Variants in KRT77 observed in about 807,000 individuals in gnomAD.
KRT77 encodes keratin 77, also known as keratin, type II cytoskeletal 1b.
Under a neutral mutation model 51.5 loss-of-function variants are expected in KRT77, and 44 were observed. The observed-to-expected ratio is 0.85, with a 90% CI of 0.67 to 1.10. The LOEUF (loss-of-function observed/expected upper bound fraction) is 1.10. Ranked by LOEUF, KRT77 falls within the 50% of genes least tolerant of loss-of-function variation. The pLI is 0.00. For synonymous variants in KRT77, 293 were observed against 302.0 expected, an observed-to-expected ratio of 0.97 and a Z score of 0.31; for missense variants, 763 against 743.9, an observed-to-expected ratio of 1.03 and a Z score of -0.30.
rs761134772 is a variant in KRT77, at chr12:52,697,717, C to T, written c.723G>A (p.Arg241=). The change falls in exon 2 of 9, where the codon AGG becomes AGA. Residue 241 remains arginine, a synonymous_variant. Coordinates refer to ENST00000341809, the MANE Select transcript of KRT77 (RefSeq NM_175078.3). The part of the protein sequence containing the change: ...AEQMRQNAEV[R]SMQDVVEDYK... Reference sequence around the variant, plus strand: ...AGTCCTCCACGACATCCTGCATGCTCCTGACCTCCGCGTTCTGGCGCATCT... The same window carrying T: ...AGTCCTCCACGACATCCTGCATGCTTCTGACCTCCGCGTTCTGGCGCATCT... The T allele has an allele frequency of 5.0e-6, 8 of 1,613,886 alleles. No homozygotes were observed. In the Admixed American group the frequency reaches 1.0e-4, roughly 20 times the overall value.
In KRT77 at chr12:52,703,187, C is replaced by T. The variant is rs1356658838; in HGVS notation, c.248G>A (p.Cys83Tyr). ...AAATCCCCCTACTCCCCCACCCTGG[C>T]AGAAACCACTGGTGCTCCTCCCCAT... Reference protein sequence around the residue: ...NLMGRSTSGFCQGGGVGGFGG... With the variant: ...NLMGRSTSGFYQGGGVGGFGG... Residue 83 changes from cysteine to tyrosine, a missense_variant, in exon 1 of 9, where the codon TGC becomes TAC. Coordinates refer to ENST00000341809, the MANE Select transcript of KRT77 (RefSeq NM_175078.3). 1 of 1,612,298 alleles carries T rather than the reference C, an allele frequency of 6.2e-7. No individual in the cohort carries two copies. Among genetic ancestry groups the T allele is most frequent in the African/African-American group, 1.3e-5 (1 of 74,584 alleles).
chr12:52,696,337 C>A (rs372653041), intron 3 of KRT77, 33 bp downstream of exon 3: 22 of 1,609,576 alleles, frequency 1.4e-5, no homozygotes, highest in Non-Finnish European at 1.8e-5. Context: ...CTCCTGGGTC[C>A]ACAGCCACCC....
At chr12:52,699,491 G>T (rs1464571476) in intron 1 of KRT77, among the ~76,000 whole-genome samples, 1 of 152,194 alleles carries the variant, frequency 6.6e-6, no homozygotes. Flanking sequence ...TTTTTCCCCA[G>T]GTTCCCCAAA....
chr12:52,692,007 C>T (rs945463439), intron 7 of KRT77, 35 bp from the exon 8 acceptor site: 1 of 1,612,424 alleles, frequency 6.2e-7, no homozygotes, highest in Non-Finnish European at 8.5e-7. Flanking sequence ...GCCAGACCCA[C>T]AGGGCCTGAG....
chr12:52,702,862 A>G, intron 1 of KRT77, 30 bp downstream of exon 1: 1 of 1,611,176 alleles, frequency 6.2e-7, no homozygotes. Flanking sequence ...GTCAGTGACC[A>G]ATGACCCTCC....
At chr12:52,699,442 G>A (rs1941851618) in intron 1 of KRT77, among the ~76,000 whole-genome samples, 1 of 152,236 alleles carries the variant, frequency 6.6e-6, no homozygotes, top group East Asian at 1.9e-4. Context: ...GATGCAGGGA[G>A]TGCCTTAACC....
At chr12:52,701,082 T>C (rs1392745657) in intron 1 of KRT77, among the ~76,000 whole-genome samples, 1 of 152,216 alleles carries the variant, frequency 6.6e-6, no homozygotes, top group African/African-American at 2.4e-5. Flanking sequence ...CACTGCCCTA[T>C]GCCATGCAAC....
At chr12:52,691,540 G>A in intron 8 of KRT77, 101 bp from the exon 9 acceptor site, 6 of 1,361,872 alleles carry the variant, frequency 4.4e-6, no homozygotes, top group East Asian at 2.3e-5. Context: ...TCGATCACCC[G>A]TGGCATCGAC....
At chr12:52,693,016 A>C in intron 5 of KRT77, 136 bp from the exon 6 acceptor site, 9 of 973,692 alleles carry the variant, frequency 9.2e-6, no homozygotes, top group Non-Finnish European at 1.4e-5. Context: ...ATGCATACTC[A>C]CAGCTATACC....
chr12:52,696,819 T>G (rs1941800058), intron 2 of KRT77: 1 of 186,340 alleles, frequency 5.4e-6, no homozygotes, highest in Admixed American at 5.5e-5. Flanking sequence ...TTAATCTACA[T>G]TTCTGTACCC....
chr12:52,701,030 G>C (rs114251661), intron 1 of KRT77, among the ~76,000 whole-genome samples: 1 of 152,162 alleles, frequency 6.6e-6, no homozygotes, highest in Non-Finnish European at 1.5e-5. Flanking sequence ...CATGCCCTTC[G>C]AAGGACAGGA....
chr12:52,691,370 T>A lies in KRT77; in HGVS notation c.1532A>T (p.Tyr511Phe). The A allele has an allele frequency of 6.2e-7, 1 of 1,604,134 alleles. No individual in the cohort carries two copies. Among genetic ancestry groups the A allele is most frequent in the South Asian group, 1.1e-5 (1 of 90,588 alleles). Residue 511 changes from tyrosine to phenylalanine, a missense_variant, in exon 9 of 9, where the codon TAC (tyrosine) becomes TTC (phenylalanine). Physicochemically the swap from Tyr to Phe is conservative, Grantham distance 22. Coordinates refer to ENST00000341809, the MANE Select transcript of KRT77 (RefSeq NM_175078.3). ...GGGGSYGSGG[Y>F]GGGSGGGYGG... ...ATAGCCCCCACCGCTGCCGCCGCCG[T>A]AGCCTCCTGAGCCGTAGCTGCCGCC...
At chr12:52,699,663 A>T (rs1941855351) in intron 1 of KRT77, among the ~76,000 whole-genome samples, 1 of 152,058 alleles carries the variant, frequency 6.6e-6, no homozygotes, top group Admixed American at 6.5e-5. Flanking sequence ...GGTCTCCTCA[A>T]CTCTTTGCCC....
chr12:52,692,041 C>T, intron 7 of KRT77, 69 bp from the exon 8 acceptor site: 2 of 1,535,264 alleles, frequency 1.3e-6, no homozygotes, highest in Non-Finnish European at 1.8e-6. Context: ...GGCCCACAGA[C>T]ATCTGGATCA....
chr12:52,703,350 C>A lies in KRT77; in HGVS notation c.85G>T (p.Gly29Cys), dbSNP rs1941914855. The A allele has an allele frequency of 6.2e-7, 1 of 1,614,122 alleles. No homozygotes were observed. The highest frequency in any genetic ancestry group is 1.7e-5 in the Admixed American group (1 of 60,022). Residue 29 changes from glycine (G) to cysteine (C), a missense_variant, in exon 1 of 9, where the codon GGT becomes TGT. Transcript: ENST00000341809. The part of the protein sequence containing the change: ...YSTSSSAGSG[G>C]GSPAVGSVCY... ...ACAGAACCCACTGCCGGACTCCCAC[C>A]ACCAGAGCCTGCAGAAGAGCTGGTA... is the stretch of plus-strand genomic sequence containing the variant.
Position 52,703,095 on chromosome 12 carries a change from C to G in KRT77, c.340G>C (p.Gly114Arg). ...AGGFGGGGFG[G>R]AGFGTSNFGL... is the part of the protein sequence containing the mutation. ...AAATTGCTAGTCCCAAATCCAGCAC[C>G]CCCAAAACCACCTCCTCCAAAGCCA... Residue 114 changes from glycine (G) to arginine (R), a missense_variant, in exon 1 of 9, where the codon GGT becomes CGT. Physicochemically the swap from Gly to Arg is moderately radical, Grantham distance 125. Transcript: ENST00000341809. The G allele has an allele frequency of 6.2e-7, 1 of 1,613,178 alleles. No individual in the cohort carries two copies. The highest frequency in any genetic ancestry group is 8.5e-7 in the Non-Finnish European group (1 of 1,179,474).
intron 1 of KRT77, among the ~76,000 whole-genome samples, chr12:52,700,080 T>C (rs1941863561): frequency 6.6e-6 from 1 of 152,224 alleles, no homozygotes; most frequent in African/African-American, 2.4e-5. Context: ...TCTGAGGCCC[T>C]GTCCCCTTGT....
chr12:52,698,604 C>T (rs1354529655), intron 1 of KRT77, among the ~76,000 whole-genome samples: 2 of 152,194 alleles, frequency 1.3e-5, no homozygotes, highest in African/African-American at 4.8e-5. Context: ...CCAATATTTT[C>T]ACCACCTCTT....
Position 52,696,364 on chromosome 12 carries a change from C to A in KRT77, c.819+6G>T. 1.2e-6 allele frequency: 2 copies of A among 1,614,086 alleles called. No homozygotes were observed. The highest frequency in any genetic ancestry group is 1.7e-6 in the Non-Finnish European group (2 of 1,179,940). On this transcript the variant is annotated splice_donor_region_variant and intron_variant, in intron 3 of 8. Transcript: ENST00000341809. ...CAGCCACCCTCAGGACTCCCCTTTC[C>A]CTCACCTTCTTCAGGACGACAAAGT... is the stretch of plus-strand genomic sequence containing the variant.
Sources: allele counts gnomAD v4.1 joint callset (sites outside exome capture counted in the v4.1 genomes callset), GRCh38; gene constraint gnomAD v4.1.1; transcripts MANE v1.5; gene names NCBI Gene and HGNC (gene_info 2026-07-23, HGNC 2026-07-21).